Variants in RBFOX1 observed in about 807,000 individuals in gnomAD.
RBFOX1 encodes RNA binding fox-1 homolog 1.
A neutral mutation model predicts 57.7 loss-of-function variants in RBFOX1; 8 were observed. The observed-to-expected ratio is 0.14, with a 90% CI of 0.08 to 0.25. RBFOX1 has a LOEUF of 0.25. Among genes scored for constraint, RBFOX1 ranks in the 10% least tolerant of loss-of-function variants. The pLI is 1.00. For missense variants in RBFOX1, 611 were observed against 548.5 expected (o/e 1.11, Z -1.14); for synonymous variants, 326 against 222.4 (o/e 1.47, Z -4.15).
intron 4 of RBFOX1, among the ~76,000 whole-genome samples, chr16:7,452,456 G>T (rs1280658037): frequency 6.6e-6 from 1 of 152,138 alleles, no homozygotes; most frequent in Non-Finnish European, 1.5e-5. Flanking sequence ...TCTGGCATTG[G>T]GTTGCAAATG....
chr16:6,381,863 G>A (rs1040167137), intron 2 of RBFOX1, among the ~76,000 whole-genome samples: 4 of 152,186 alleles, frequency 2.6e-5, no homozygotes, highest in African/African-American at 9.7e-5. Context: ...GCTGTTTATA[G>A]GGCACGGGTT....
chr16:7,152,463 C>G (rs1360331892), intron 4 of RBFOX1, among the ~76,000 whole-genome samples: 1 of 152,142 alleles, frequency 6.6e-6, no homozygotes, highest in Non-Finnish European at 1.5e-5. Flanking sequence ...GTTCAAAACT[C>G]CATTAAAGAT....
intron 2 of RBFOX1, among the ~76,000 whole-genome samples, chr16:5,586,944 G>T (rs2046851169): frequency 6.6e-6 from 1 of 152,138 alleles, no homozygotes; most frequent in Non-Finnish European, 1.5e-5. Context: ...AAATGTTACT[G>T]GCTGAATTGT....
intron 3 of RBFOX1, among the ~76,000 whole-genome samples, chr16:6,974,246 C>T (rs2086253751): frequency 6.6e-6 from 1 of 150,460 alleles, no homozygotes; most frequent in South Asian, 2.1e-4. Flanking sequence ...CCTATGAATG[C>T]AGAGAGGCAT....
chr16:5,383,122 C>A (rs750823297), intron 1 of RBFOX1, among the ~76,000 whole-genome samples: 3 of 152,208 alleles, frequency 2.0e-5, no homozygotes, highest in Non-Finnish European at 4.4e-5. Flanking sequence ...TGCCTAATTT[C>A]ACACTCCAAC....
intron 4 of RBFOX1, among the ~76,000 whole-genome samples, chr16:5,960,546 A>G (rs936231406): frequency 6.6e-6 from 1 of 152,122 alleles, no homozygotes; most frequent in Non-Finnish European, 1.5e-5. Context: ...CCATTAAACC[A>G]TGCACATTTC....
intron 2 of RBFOX1, among the ~76,000 whole-genome samples, chr16:6,489,980 T>A (rs2095595346): frequency 6.6e-6 from 1 of 152,206 alleles, no homozygotes; most frequent in African/African-American, 2.4e-5. Flanking sequence ...CTTAAGTCTT[T>A]GCTTTCTGAT....
chr16:7,300,673 T>A (rs1377323041), intron 4 of RBFOX1, among the ~76,000 whole-genome samples: 1 of 152,186 alleles, frequency 6.6e-6, no homozygotes, highest in Admixed American at 6.5e-5. Flanking sequence ...TAATAAATAG[T>A]TATGAAAATG....
intron 3 of RBFOX1, among the ~76,000 whole-genome samples, chr16:6,976,996 C>A (rs986818963): frequency 7.1e-6 from 1 of 140,436 alleles, no homozygotes; most frequent in African/African-American, 2.6e-5. Context: ...ATATCACATG[C>A]CATATATTGT....
At chr16:5,889,450 T>C (rs1053735947) in intron 4 of RBFOX1, among the ~76,000 whole-genome samples, 3 of 152,266 alleles carry the variant, frequency 2.0e-5, no homozygotes, top group African/African-American at 7.2e-5. Flanking sequence ...CCACATTTTC[T>C]TTATCCGTTC....
At chr16:7,130,021 C>G (rs75700734) in intron 4 of RBFOX1, among the ~76,000 whole-genome samples, 2,008 of 150,296 alleles carry the variant, frequency 0.013, 61 homozygotes, top group African/African-American at 0.047. Context: ...TAATCTTCTT[C>G]ATTTTTGAAG....
In RBFOX1 at chr16:5,937,509, T is replaced by A. The variant is rs1385077494; in HGVS notation, c.351+70174T>A. On this transcript the variant is annotated intron_variant, in intron 4 of 19. Coordinates refer to the RBFOX1 transcript ENST00000641259. ...TTTTCAGCAGTGAATATATAAATATTTGCAGGCAACTATATGATATATAGT... is the reference window on the plus strand; with the variant it reads ...TTTTCAGCAGTGAATATATAAATATATGCAGGCAACTATATGATATATAGT... 2.6e-5 allele frequency among the ~76,000 whole-genome samples: 4 copies of A among 152,056 alleles called. No homozygotes were observed. In the East Asian group the frequency reaches 7.7e-4, roughly 29 times the overall value.
chr16:5,754,349 A>T (rs946969426), intron 3 of RBFOX1, among the ~76,000 whole-genome samples: 2 of 152,108 alleles, frequency 1.3e-5, no homozygotes, highest in African/African-American at 4.8e-5. Flanking sequence ...GTTCGCTCCT[A>T]TTGTTAGGAA....
chr16:7,058,891 G>T (rs1005200975), intron 4 of RBFOX1, among the ~76,000 whole-genome samples: 1 of 152,062 alleles, frequency 6.6e-6, no homozygotes. Context: ...GTTACATATT[G>T]CCCGCAGTTA....
intron 1 of RBFOX1, among the ~76,000 whole-genome samples, chr16:6,222,471 C>T (rs1171849427): frequency 6.6e-6 from 1 of 151,692 alleles, no homozygotes; most frequent in Non-Finnish European, 1.5e-5. Flanking sequence ...GTGACAATTG[C>T]ATCATGACCA....
At chr16:5,651,806 A>G (rs1759417330) in intron 3 of RBFOX1, among the ~76,000 whole-genome samples, 1 of 152,172 alleles carries the variant, frequency 6.6e-6, no homozygotes, top group African/African-American at 2.4e-5. Context: ...ATAAGCATCC[A>G]TTTGCATATC....
intron 3 of RBFOX1, among the ~76,000 whole-genome samples, chr16:5,846,586 G>A (rs1419439868): frequency 6.6e-6 from 1 of 152,210 alleles, no homozygotes; most frequent in African/African-American, 2.4e-5. Context: ...TGCACAGCCA[G>A]TGAGCTGTGG....
intron 2 of RBFOX1, among the ~76,000 whole-genome samples, chr16:6,647,058 G>C (rs566408848): frequency 6.6e-6 from 1 of 152,180 alleles, no homozygotes; most frequent in Admixed American, 6.5e-5. Flanking sequence ...TCTTGTGTCT[G>C]GATATTCAAG....
intron 1 of RBFOX1, among the ~76,000 whole-genome samples, chr16:5,320,806 G>C (rs2064380873): frequency 6.6e-6 from 1 of 152,138 alleles, no homozygotes; most frequent in African/African-American, 2.4e-5. Context: ...AGAGCTGGGG[G>C]CTCCAGGGAG....
Sources: allele counts gnomAD v4.1 joint callset (sites outside exome capture counted in the v4.1 genomes callset), GRCh38; gene constraint gnomAD v4.1.1; transcripts MANE v1.5; gene names NCBI Gene and HGNC (gene_info 2026-07-23, HGNC 2026-07-21).